Variants in RYR3 observed in about 807,000 individuals in gnomAD.
RYR3 encodes ryanodine receptor 3.
In RYR3, 207 loss-of-function variants were observed where a neutral mutation model predicts 584.3. The ratio of observed to expected loss-of-function variants is 0.35; its 90% CI spans 0.32 to 0.40. The LOEUF (loss-of-function observed/expected upper bound fraction) is 0.40, where lower values mean the gene tolerates loss of function less well. Among genes scored for constraint, RYR3 ranks in the 10% least tolerant of loss-of-function variants. The probability of loss-of-function intolerance (pLI) is 1.00; values close to 1 mark genes in which losing one functional copy is unlikely to be tolerated. For missense variants in RYR3, 5,616 were observed against 6,089.2 expected, an observed-to-expected ratio of 0.92 and a Z score of 2.59; for synonymous variants, 2,416 against 2,248.5, an observed-to-expected ratio of 1.07 and a Z score of -2.11.
At chr15:33,598,185 CAA>C (rs59290382) in intron 16 of RYR3, among the ~76,000 whole-genome samples, 43,614 of 98,912 alleles carry the variant, frequency 0.44, 7,963 homozygotes, top group East Asian at 0.77. Context: ...ATTTTAATTA[CAA>C]AAAAAAAAAA....
rs1196666875 is a variant in RYR3, at chr15:33,577,421, CAT to C, written c.1269-2553_1269-2552del. ...CATGATACTGATACAAAAACAAACA[CAT>C]AGACCAATAGAAGAGAATAGAGAAC... On this transcript the variant is annotated intron_variant, in intron 12 of 103. Transcript: ENST00000634891. Among the ~76,000 whole-genome samples the C allele has an allele frequency of 2.0e-5, 3 of 152,066 alleles. No homozygotes were observed. In the East Asian group the frequency reaches 5.8e-4, roughly 29 times the overall value.
At chr15:33,567,027 T>C (rs921223045) in intron 12 of RYR3, among the ~76,000 whole-genome samples, 3 of 152,196 alleles carry the variant, frequency 2.0e-5, no homozygotes, top group Non-Finnish European at 4.4e-5. Flanking sequence ...GTTACTCAGA[T>C]TGGAGTGATG....
At chr15:33,334,789 G>A (rs1269194649) in intron 1 of RYR3, among the ~76,000 whole-genome samples, 3 of 151,792 alleles carry the variant, frequency 2.0e-5, no homozygotes, top group South Asian at 2.1e-4. Flanking sequence ...TCTGACAAAG[G>A]TCTAATATCC....
chr15:33,475,669 G>C (rs558931516), intron 2 of RYR3, among the ~76,000 whole-genome samples: 12 of 152,268 alleles, frequency 7.9e-5, no homozygotes, highest in African/African-American at 2.4e-4. Context: ...GTCAAAGTTG[G>C]AATCCTGTCT....
chr15:33,563,367 C>G (rs2057518783), intron 11 of RYR3, among the ~76,000 whole-genome samples: 1 of 152,144 alleles, frequency 6.6e-6, no homozygotes, highest in Admixed American at 6.5e-5. Context: ...GTGCAGTTTT[C>G]ATAATAGACT....
At chr15:33,554,291 CTTTTTTT>C (rs71117147) in intron 10 of RYR3, among the ~76,000 whole-genome samples, 59 of 126,494 alleles carry the variant, frequency 4.7e-4, no homozygotes, top group South Asian at 1.0e-3. Flanking sequence ...CCTCCATTAT[CTTTTTTT>C]TTTTTTTTTT....
At chr15:33,331,723 A>T (rs1388186994) in intron 1 of RYR3, among the ~76,000 whole-genome samples, 2 of 152,110 alleles carry the variant, frequency 1.3e-5, no homozygotes, top group Non-Finnish European at 2.9e-5. Flanking sequence ...AAGAATAAAA[A>T]TGGTCATAAA....
intron 72 of RYR3, 73 bp downstream of exon 72, chr15:33,811,110 C>G: frequency 8.1e-7 from 1 of 1,228,206 alleles, no homozygotes; most frequent in Non-Finnish European, 1.2e-6. Flanking sequence ...CTTTTCACTT[C>G]ATTTACTCAT....
At chr15:33,694,525 T>G (rs2065697490) in intron 38 of RYR3, among the ~76,000 whole-genome samples, 1 of 151,198 alleles carries the variant, frequency 6.6e-6, no homozygotes. Flanking sequence ...ATTACAGGCG[T>G]GAGCCACTGC....
At chr15:33,314,305 G>T (rs1163462981) in intron 1 of RYR3, among the ~76,000 whole-genome samples, 1 of 152,168 alleles carries the variant, frequency 6.6e-6, no homozygotes. Context: ...TGCTCTTGCT[G>T]ACGTAGCCAG....
intron 2 of RYR3, among the ~76,000 whole-genome samples, chr15:33,487,545 A>T (rs1440735063): frequency 6.6e-6 from 1 of 152,180 alleles, no homozygotes; most frequent in Non-Finnish European, 1.5e-5. Flanking sequence ...TACAAGTACA[A>T]GCCTTGCTGC....
intron 1 of RYR3, among the ~76,000 whole-genome samples, chr15:33,345,681 T>A (rs1441261180): frequency 6.6e-6 from 1 of 151,966 alleles, no homozygotes; most frequent in Non-Finnish European, 1.5e-5. Flanking sequence ...AGGAGAAGAG[T>A]GTGACGCTCT....
At chr15:33,487,504 C>CT (rs1435897083) in intron 2 of RYR3, among the ~76,000 whole-genome samples, 1 of 152,090 alleles carries the variant, frequency 6.6e-6, no homozygotes, top group African/African-American at 2.4e-5. Flanking sequence ...CCTAGACATT[C>CT]TTTTTTATCT....
intron 100 of RYR3, 61 bp from the exon 101 acceptor site, chr15:33,860,534 A>C: frequency 1.0e-6 from 1 of 981,532 alleles, no homozygotes; most frequent in Admixed American, 3.0e-5. Context: ...TTCTTCCTTT[A>C]TCATTCCTCT....
At chr15:33,395,555 G>C (rs935549845) in intron 1 of RYR3, among the ~76,000 whole-genome samples, 1 of 152,276 alleles carries the variant, frequency 6.6e-6, no homozygotes, top group Non-Finnish European at 1.5e-5. Flanking sequence ...ATTTGAGCTG[G>C]TAATGAATCT....
Position 33,412,110 on chromosome 15 carries a change from C to T in RYR3, c.52-61309C>T, listed in dbSNP as rs72725480. On this transcript the variant is annotated intron_variant, in intron 1 of 103. Transcript: ENST00000634891. The surrounding 1 kb of genome is among the most constrained non-coding windows in gnomAD (Gnocchi z 4.3). ...TACTTTGTGTATAGTTTCTTAGTTA[C>T]TGAGAATAACTACTTAGGCGAGTAA... 0.028 allele frequency among the ~76,000 whole-genome samples: 4,266 copies of T among 152,248 alleles called. 115 individuals carry two copies. Among genetic ancestry groups the T allele is most frequent in the Admixed American group, 0.068 (1,040 of 15,296 alleles).
chr15:33,764,577 T>TA (rs57528153), intron 60 of RYR3, among the ~76,000 whole-genome samples: 6,365 of 139,592 alleles, frequency 0.046, 391 homozygotes, highest in African/African-American at 0.15. Flanking sequence ...AAACCATAAT[T>TA]AAAAAAAAAA....
rs745818292 is a variant in RYR3, at chr15:33,840,821, C to G, written c.12979-4C>G. 8 of 1,613,550 alleles carry G rather than the reference C, an allele frequency of 5.0e-6. No homozygotes were observed. In the East Asian group the frequency reaches 1.3e-4, roughly 27 times the overall value. Reference sequence around the variant, plus strand: ...AAGCTTGACTAATTGTTATTTTTGTCTAGGCAGCAGAAATGAAAGCAGCAA... The same window carrying G: ...AAGCTTGACTAATTGTTATTTTTGTGTAGGCAGCAGAAATGAAAGCAGCAA... On this transcript the variant is annotated splice_region_variant and splice_polypyrimidine_tract_variant and intron_variant, in intron 89 of 103. Transcript: ENST00000634891.
Position 33,813,576 on chromosome 15 carries a change from C to A in RYR3, c.10499C>A (p.Pro3500His). 6.2e-7 allele frequency: 1 copy of A among 1,612,980 alleles called. No homozygotes were observed. The highest frequency in any genetic ancestry group is 1.1e-5 in the South Asian group (1 of 91,034). The change falls in exon 74 of 104, where the codon CCC becomes CAC. Residue 3500 changes from proline to histidine, a missense_variant. Transcript: ENST00000634891. ...CFRMAPLYNL[P>H]RHRSINLFLH... ...AGGATGGCCCCTCTCTACAACCTGC[C>A]CAGGCAAGTATTTTGTCTTTTTTCC...
Sources: gnomAD v4.1 joint callset for allele counts (sites outside exome capture counted in the v4.1 genomes callset) on GRCh38, gnomAD v4.1.1 for gene constraint, Gnocchi (gnomAD v3.1) non-coding constraint, MANE v1.5 for transcripts, NCBI Gene and HGNC (gene_info 2026-07-23, HGNC 2026-07-21) for gene names.